DLG1: variants seen among roughly 807,000 people sequenced by gnomAD.
The protein encoded by DLG1 is discs large MAGUK scaffold protein 1, also known as disks large homolog 1.
Under a neutral mutation model 123.4 loss-of-function variants are expected in DLG1, and 42 were observed. That is an observed-to-expected ratio of 0.34 (90% CI 0.27 to 0.44). The LOEUF is 0.44. DLG1 is among the 20% of genes least tolerant of loss of function. The pLI is 1.00. For synonymous variants in DLG1, 317 were observed against 356.2 expected (o/e 0.89, Z 1.24); for missense variants, 942 against 1,082.6 (o/e 0.87, Z 1.82).
At chr3:197,194,264 G>A in intron 5 of DLG1, 161 bp downstream of exon 5, 1 of 389,642 alleles carries the variant, frequency 2.6e-6, no homozygotes. Flanking sequence ...GTTTTCTGGA[G>A]TACTAATAAG....
At chr3:197,145,053 T>TCACACA (rs1397807957) in intron 6 of DLG1, among the ~76,000 whole-genome samples, 13 of 141,340 alleles carry the variant, frequency 9.2e-5, no homozygotes, top group Middle Eastern at 3.6e-3. Context: ...TCTCTCTCTC[T>TCACACA]CTCACACACA....
chr3:197,073,118 ACAT>A (rs2148969311), intron 18 of DLG1, among the ~76,000 whole-genome samples: 1 of 152,306 alleles, frequency 6.6e-6, no homozygotes, highest in African/African-American at 2.4e-5. Flanking sequence ...CTCTAATACT[ACAT>A]CATCAATCTG....
Position 197,142,673 on chromosome 3 carries a change from A to T in DLG1, c.588+45T>A, listed in dbSNP as rs757342572. 46 of 1,418,020 alleles carry T rather than the reference A, an allele frequency of 3.2e-5. 1 individual carries two copies. In the South Asian group the frequency reaches 5.2e-4, roughly 16 times the overall value. The allele number at this position is 1,418,020 out of a possible 1,614,324, so 87.8% of individuals were successfully genotyped here. A position where few individuals can be genotyped will look rare whatever the true frequency, so the allele number is the denominator to read the frequency against. On this transcript the variant is annotated intron_variant, in intron 7 of 24. Coordinates refer to ENST00000667157, the MANE Select transcript of DLG1 (RefSeq NM_001366207.1). ...TGGATTCTGTATGAAAAAGCAGTAT[A>T]TTACAAAGTTCTCTAGAACAACAGA...
chr3:197,227,299 C>T (rs886729352), intron 4 of DLG1, among the ~76,000 whole-genome samples: 6 of 151,816 alleles, frequency 4.0e-5, no homozygotes, highest in Admixed American at 2.6e-4. Flanking sequence ...ATGGTGAAAC[C>T]CTGTCTCTAG....
chr3:197,082,162 G>C (rs1241411534), intron 16 of DLG1, among the ~76,000 whole-genome samples: 1 of 152,014 alleles, frequency 6.6e-6, no homozygotes, highest in Non-Finnish European at 1.5e-5. Context: ...ACAAGGTCAG[G>C]AGTTCAAGAC....
chr3:197,067,001 C>T (rs959273803), intron 19 of DLG1, among the ~76,000 whole-genome samples: 2 of 151,938 alleles, frequency 1.3e-5, no homozygotes, highest in Admixed American at 1.3e-4. Context: ...TATAGATAAT[C>T]AAATCTAAAA....
intron 13 of DLG1, among the ~76,000 whole-genome samples, chr3:197,114,286 C>A (rs1230916011): frequency 6.6e-6 from 1 of 152,154 alleles, no homozygotes; most frequent in African/African-American, 2.4e-5. Context: ...TGCTAGACAT[C>A]GACAAAGTTT....
chr3:197,068,094 A>G (rs1211627495), intron 19 of DLG1, among the ~76,000 whole-genome samples: 4 of 152,236 alleles, frequency 2.6e-5, no homozygotes, highest in African/African-American at 9.6e-5. Flanking sequence ...ATTGGCATAA[A>G]CATTCTTTTC....
Position 197,135,693 on chromosome 3 carries a change from A to G in DLG1, c.1020+849T>C, listed in dbSNP as rs190150084. On this transcript the variant is annotated intron_variant, in intron 10 of 24. Coordinates refer to ENST00000667157, the MANE Select transcript of DLG1 (RefSeq NM_001366207.1). Reference sequence around the variant, plus strand: ...AGCAATGATATGGGTAAGTCTCAGTAAAGCAATATTGAGTGAAAAAAATAC... The same window carrying G: ...AGCAATGATATGGGTAAGTCTCAGTGAAGCAATATTGAGTGAAAAAAATAC... Among the ~76,000 whole-genome samples the G allele has an allele frequency of 3.1e-3, 473 of 152,332 alleles. 3 individuals are homozygous for G. The highest frequency in any genetic ancestry group is 0.011 in the African/African-American group (449 of 41,574).
intron 5 of DLG1, among the ~76,000 whole-genome samples, chr3:197,177,043 A>G (rs149879803): frequency 0.011 from 1,645 of 152,086 alleles, 30 homozygotes; most frequent in African/African-American, 0.038. Context: ...TTAAGAACCA[A>G]TTTTTGAGTC....
chr3:197,239,252 AAAACCTATCAAGACT>A lies in DLG1; in HGVS notation c.318+43412_318+43426del, dbSNP rs557280772. 2.4e-4 allele frequency among the ~76,000 whole-genome samples: 36 copies of A among 152,254 alleles called. No homozygotes were observed. In the East Asian group the frequency reaches 6.6e-3, roughly 28 times the overall value. On this transcript the variant is annotated intron_variant, in intron 4 of 24. Transcript: ENST00000667157. Reference sequence around the variant, plus strand: ...TGAAATGGAAAACTCCTAGAAACACAAAACCTATCAAGACTAAACCATGAAGAAAGAGAAAATCTA... The same window carrying A: ...TGAAATGGAAAACTCCTAGAAACACAAAACCATGAAGAAAGAGAAAATCTA...
At chr3:197,172,045 T>C (rs35920044) in intron 5 of DLG1, among the ~76,000 whole-genome samples, 234 of 152,268 alleles carry the variant, frequency 1.5e-3, no homozygotes, top group Non-Finnish European at 2.3e-3. Flanking sequence ...ACATTTTCTA[T>C]TGTTTCTTTC....
chr3:197,217,348 A>G (rs776729057), intron 4 of DLG1, among the ~76,000 whole-genome samples: 3 of 152,230 alleles, frequency 2.0e-5, no homozygotes, highest in Non-Finnish European at 4.4e-5. Flanking sequence ...CCAATTATGG[A>G]TCAAGAACAA....
intron 4 of DLG1, among the ~76,000 whole-genome samples, chr3:197,252,528 G>A (rs953428851): frequency 2.0e-5 from 3 of 152,072 alleles, no homozygotes; most frequent in African/African-American, 7.2e-5. Flanking sequence ...TGGTACTTAC[G>A]GTAGTTAAAA....
At chr3:197,068,566 A>C (rs1187449157) in intron 19 of DLG1, 1 of 1,453,896 alleles carries the variant, frequency 6.9e-7, no homozygotes, top group Admixed American at 1.8e-5. Flanking sequence ...GTAAAAAAAG[A>C]AAGTTAGAAA....
At chr3:197,072,860 C>T (rs1353250084) in intron 18 of DLG1, among the ~76,000 whole-genome samples, 1 of 152,090 alleles carries the variant, frequency 6.6e-6, no homozygotes, top group African/African-American at 2.4e-5. Flanking sequence ...CCATGCCTTG[C>T]TAATTTTTGT....
chr3:197,185,370 A>G (rs1185417502), intron 5 of DLG1, among the ~76,000 whole-genome samples: 1 of 152,174 alleles, frequency 6.6e-6, no homozygotes, highest in African/African-American at 2.4e-5. Flanking sequence ...AGAAGTGAAC[A>G]TGTGCTCAGT....
At position 197,244,326 on chromosome 3, in the gene DLG1, G is replaced by T. The variant is rs7624764; in HGVS notation, c.318+38353C>A. 5.3e-5 allele frequency among the ~76,000 whole-genome samples: 8 copies of T among 152,176 alleles called. No individual in the cohort carries two copies. The South Asian group carries it at 6.2e-4, about 12-fold the overall frequency. ...CCATACAGTTCATGCCTGGTAGACT[G>T]GAGGACCATTCGAGTGGAAAGGGGA... is the stretch of plus-strand genomic sequence containing the variant. On this transcript the variant is annotated intron_variant, in intron 4 of 24. Transcript: ENST00000667157.
At chr3:197,095,864 G>C (rs1366035874) in intron 14 of DLG1, among the ~76,000 whole-genome samples, 1 of 152,146 alleles carries the variant, frequency 6.6e-6, no homozygotes, top group East Asian at 1.9e-4. Flanking sequence ...TGGCCAGTGA[G>C]AGTCCCTTGA....
Sources: gnomAD v4.1 joint callset for allele counts (sites outside exome capture counted in the v4.1 genomes callset) on GRCh38, gnomAD v4.1.1 for gene constraint, MANE v1.5 for transcripts, NCBI Gene and HGNC (gene_info 2026-07-23, HGNC 2026-07-21) for gene names.